The following PRR5 variants were observed in gnomAD, a reference collection of about 807,000 sequenced individuals.
The protein encoded by PRR5 is proline rich 5.
PRR5 carries 25 observed loss-of-function variants against 30.6 expected under a neutral mutation model. The ratio of observed to expected loss-of-function variants is 0.82; its 90% CI spans 0.60 to 1.14. The LOEUF is 1.14. Among genes scored for constraint, PRR5 ranks in the 50% most tolerant of loss-of-function variants. The pLI is 0.00. For missense variants in PRR5, 600 were observed against 547.1 expected, an observed-to-expected ratio of 1.10 and a Z score of -0.96; for synonymous variants, 286 against 247.1, an observed-to-expected ratio of 1.16 and a Z score of -1.48.
intron 4 of PRR5, chr22:44,731,233 T>TATTATTAAAAA: frequency 4.5e-6 from 1 of 222,612 alleles, no homozygotes; most frequent in Non-Finnish European, 9.1e-6. Flanking sequence ...TGTACCTGTG[T>TATTATTAAAAA]GGGTCTTACC....
At chr22:44,723,675 G>A (rs768434006) in intron 2 of PRR5, among the ~76,000 whole-genome samples, 29 of 152,108 alleles carry the variant, frequency 1.9e-4, no homozygotes, top group Non-Finnish European at 4.0e-4. Flanking sequence ...AGCCAAGATC[G>A]CACCACTGCA....
intron 2 of PRR5, among the ~76,000 whole-genome samples, chr22:44,724,013 C>G (rs73889710): frequency 6.4e-4 from 97 of 152,364 alleles, no homozygotes; most frequent in African/African-American, 2.3e-3. Context: ...TTGTACACAT[C>G]TGTTATCTAC....
At chr22:44,692,829 C>T (rs1214555197) in intron 1 of PRR5, among the ~76,000 whole-genome samples, 2 of 152,104 alleles carry the variant, frequency 1.3e-5, no homozygotes, top group African/African-American at 4.8e-5. Flanking sequence ...CCTGGCAGGG[C>T]GGCTGCAAAC....
chr22:44,725,341 C>A, intron 3 of PRR5, 49 bp downstream of exon 3: 1 of 1,608,572 alleles, frequency 6.2e-7, no homozygotes, highest in Non-Finnish European at 8.5e-7. Context: ...ATGAGCCAGC[C>A]AGAAAGCACA....
chr22:44,689,466 C>T (rs1925049393), intron 1 of PRR5, among the ~76,000 whole-genome samples: 1 of 152,214 alleles, frequency 6.6e-6, no homozygotes, highest in Admixed American at 6.5e-5. Flanking sequence ...TTTCTGTAGC[C>T]AGATTACCCG....
chr22:44,686,152 T>C (rs923565396), intron 1 of PRR5, among the ~76,000 whole-genome samples: 1 of 152,048 alleles, frequency 6.6e-6, no homozygotes, highest in African/African-American at 2.4e-5. Context: ...ACTTGGAGGC[T>C]GAGGCACAAG....
At chr22:44,725,814 A>G (rs1169695222) in intron 3 of PRR5, among the ~76,000 whole-genome samples, 3 of 152,054 alleles carry the variant, frequency 2.0e-5, no homozygotes, top group African/African-American at 7.2e-5. Context: ...ACAGGTACCC[A>G]CCATCTTGCC....
intron 1 of PRR5, among the ~76,000 whole-genome samples, chr22:44,687,210 G>A (rs1158271757): frequency 6.6e-6 from 1 of 152,202 alleles, no homozygotes; most frequent in Non-Finnish European, 1.5e-5. Flanking sequence ...TTTGACCCCT[G>A]TACACAATGT....
chr22:44,736,482 A>C lies in PRR5; in HGVS notation c.692-290A>C, dbSNP rs142107120. Among the ~76,000 whole-genome samples the C allele has an allele frequency of 1.0e-3, 153 of 152,298 alleles. 1 individual carries two copies. In the East Asian group the frequency reaches 0.019, roughly 19 times the overall value. The stretch of plus-strand genomic sequence containing the variant: ...GTGGGGAAACTGAGGCACGGGGGTG[A>C]GGTAACTTACCTAAGGTCAAACAGA... On this transcript the variant is annotated intron_variant, in intron 7 of 7. Coordinates refer to ENST00000336985, the MANE Select transcript of PRR5 (RefSeq NM_181333.4).
intron 1 of PRR5, among the ~76,000 whole-genome samples, chr22:44,678,396 C>T (rs1325229502): frequency 6.7e-6 from 1 of 149,164 alleles, no homozygotes; most frequent in Non-Finnish European, 1.5e-5. Context: ...AATCTCGGCT[C>T]ACTGCAGCCT....
At chr22:44,729,434 G>A (rs1262612200) in intron 4 of PRR5, 14 of 985,336 alleles carry the variant, frequency 1.4e-5, no homozygotes, top group Non-Finnish European at 1.1e-5. Context: ...GGGGCCGCTC[G>A]CCTGCATCAG....
At position 44,729,900 on chromosome 22, in the gene PRR5, T is replaced by TGCC. The variant is rs1921622416; in HGVS notation, c.323-1827_323-1825dup. 30 of 985,484 alleles carry TGCC rather than the reference T, an allele frequency of 3.0e-5. No individual in the cohort carries two copies. The South Asian group carries it at 1.3e-3, about 42-fold the overall frequency. The allele number at this position is 985,484 out of a possible 1,614,324, so 61.0% of individuals were successfully genotyped here. The stretch of plus-strand genomic sequence containing the variant: ...CCGGGAACTGAGCTGCCTTTCTTCC[T>TGCC]GCCGCGGCGGAGGGGGACTGAAGGG... On this transcript the variant is annotated intron_variant, in intron 4 of 7. Coordinates refer to ENST00000336985, the MANE Select transcript of PRR5 (RefSeq NM_181333.4).
intron 1 of PRR5, among the ~76,000 whole-genome samples, chr22:44,690,470 G>A (rs1925142722): frequency 6.6e-6 from 1 of 152,030 alleles, no homozygotes; most frequent in Non-Finnish European, 1.5e-5. Flanking sequence ...CCACCTTGGA[G>A]GAAGAGGCAG....
In PRR5 at chr22:44,734,753, C is replaced by T. The variant is rs1922882150; in HGVS notation, c.556-274C>T. 5.7e-6 allele frequency: 3 copies of T among 527,764 alleles called. No individual in the cohort carries two copies. The East Asian group carries it at 9.7e-5, about 17-fold the overall frequency. 32.7% of individuals were successfully genotyped at this position (527,764 alleles called of 1,614,324 possible). A position where few individuals can be genotyped will look rare whatever the true frequency, so the allele number is the denominator to read the frequency against. Reference sequence around the variant, plus strand: ...CCTCCGAGGGGTGGAAGGTGCAGAACACCCATCTCATCTGGCCACAGGGCC... The same window carrying T: ...CCTCCGAGGGGTGGAAGGTGCAGAATACCCATCTCATCTGGCCACAGGGCC... On this transcript the variant is annotated intron_variant, in intron 6 of 7. Coordinates refer to ENST00000336985, the MANE Select transcript of PRR5 (RefSeq NM_181333.4).
chr22:44,708,427 C>CT (rs1175705150), intron 1 of PRR5, among the ~76,000 whole-genome samples: 6 of 151,956 alleles, frequency 3.9e-5, no homozygotes, highest in African/African-American at 1.5e-4. Flanking sequence ...AAGGCAGGGC[C>CT]CTAAAGGACC....
At chr22:44,675,987 A>G (rs1923732151), upstream of PRR5, among the ~76,000 whole-genome samples, 1 of 151,922 alleles carries the variant, frequency 6.6e-6, no homozygotes, top group African/African-American at 2.4e-5. Flanking sequence ...GCACAATCTC[A>G]TTTTGTCCCC....
chr22:44,692,164 C>T (rs146888475), intron 1 of PRR5, among the ~76,000 whole-genome samples: 20 of 152,044 alleles, frequency 1.3e-4, no homozygotes, highest in African/African-American at 4.1e-4. Context: ...CCCGTCTCCT[C>T]CTCCTCCCGG....
intron 4 of PRR5, chr22:44,730,348 A>AG (rs1297496139): frequency 1.0e-6 from 1 of 984,894 alleles, no homozygotes; most frequent in Non-Finnish European, 1.2e-6. Flanking sequence ...TCTGGCTTCC[A>AG]GGGGACAGCA....
intron 1 of PRR5, among the ~76,000 whole-genome samples, chr22:44,705,288 A>G (rs936636656): frequency 4.4e-4 from 67 of 151,884 alleles, no homozygotes; most frequent in East Asian, 1.9e-4. Flanking sequence ...CATGGCTTTC[A>G]TTTCCACGTC....
Sources: gnomAD v4.1 joint callset for allele counts (sites outside exome capture counted in the v4.1 genomes callset) on GRCh38, gnomAD v4.1.1 for gene constraint, MANE v1.5 for transcripts, NCBI Gene and HGNC (gene_info 2026-07-23, HGNC 2026-07-21) for gene names.